The following CREB1 variants were observed in gnomAD, a reference collection of about 807,000 sequenced individuals.
CREB1 encodes the protein cyclic AMP-responsive element-binding protein 1.
In CREB1, 2 loss-of-function variants were observed where a neutral mutation model predicts 42.0. The observed-to-expected ratio is 0.05, with a 90% CI of 0.02 to 0.15. CREB1 has a LOEUF of 0.15. Among genes scored for constraint, CREB1 ranks in the 10% least tolerant of loss-of-function variants. The probability of loss-of-function intolerance (pLI) is 1.00; values close to 1 mark genes in which losing one functional copy is unlikely to be tolerated. For missense variants in CREB1, 199 were observed against 388.9 expected (o/e 0.51, Z 4.11); for synonymous variants, 123 against 139.9 (o/e 0.88, Z 0.85).
intron 1 of CREB1, among the ~76,000 whole-genome samples, chr2:207,553,002 T>G (rs2081573829): frequency 6.6e-6 from 1 of 152,002 alleles, no homozygotes. Context: ...TTGAAACTAG[T>G]TTTTTGTTTT....
At chr2:207,581,962 G>A (rs942561790) in intron 7 of CREB1, 1 of 702,186 alleles carries the variant, frequency 1.4e-6, no homozygotes, top group African/African-American at 1.8e-5. Flanking sequence ...GATAGATTGA[G>A]ATAATAGGTT....
At chr2:207,569,155 AT>A (rs964038157) in intron 4 of CREB1, among the ~76,000 whole-genome samples, 3 of 151,674 alleles carry the variant, frequency 2.0e-5, no homozygotes, top group African/African-American at 7.3e-5. Flanking sequence ...TGTTTCCAGT[AT>A]TTTTTTTCCT....
chr2:207,545,564 C>T (rs1012885109), intron 1 of CREB1, among the ~76,000 whole-genome samples: 1 of 151,598 alleles, frequency 6.6e-6, no homozygotes, highest in South Asian at 2.1e-4. Context: ...TATGGGACTA[C>T]TACTATGTAG....
intron 1 of CREB1, among the ~76,000 whole-genome samples, chr2:207,534,905 C>T (rs2080806558): frequency 6.6e-6 from 1 of 152,108 alleles, no homozygotes; most frequent in Admixed American, 6.5e-5. Context: ...TGGTAGCATA[C>T]TAGGTATACG....
At chr2:207,564,568 C>T (rs964986297) in intron 3 of CREB1, among the ~76,000 whole-genome samples, 5 of 151,680 alleles carry the variant, frequency 3.3e-5, no homozygotes, top group South Asian at 2.1e-4. Context: ...TCAACTCTAC[C>T]GAGGGATAGT....
chr2:207,535,049 TAGTG>T (rs991660374), intron 1 of CREB1, among the ~76,000 whole-genome samples: 1 of 152,236 alleles, frequency 6.6e-6, no homozygotes, highest in African/African-American at 2.4e-5. Flanking sequence ...ATTAACCAGT[TAGTG>T]AGCTGCTTTT....
intron 1 of CREB1, among the ~76,000 whole-genome samples, chr2:207,540,533 A>G (rs1158205553): frequency 1.3e-5 from 2 of 151,714 alleles, no homozygotes; most frequent in South Asian, 2.1e-4. Context: ...AATCCCTGCT[A>G]CTCACGAGGC....
intron 1 of CREB1, among the ~76,000 whole-genome samples, chr2:207,544,314 T>G (rs1216674542): frequency 6.6e-6 from 1 of 152,222 alleles, no homozygotes; most frequent in African/African-American, 2.4e-5. Flanking sequence ...ATGTTCTTAA[T>G]CAGATCTGCA....
intron 2 of CREB1, among the ~76,000 whole-genome samples, chr2:207,557,320 G>C (rs2081768105): frequency 6.6e-6 from 1 of 152,066 alleles, no homozygotes; most frequent in Non-Finnish European, 1.5e-5. Context: ...TTTTGATATG[G>C]TAAAGCATGT....
intron 7 of CREB1, among the ~76,000 whole-genome samples, chr2:207,595,697 T>G (rs2086008842): frequency 6.6e-6 from 1 of 152,204 alleles, no homozygotes; most frequent in Non-Finnish European, 1.5e-5. Context: ...CCTGAGCAGC[T>G]GGGACTACAG....
chr2:207,542,018 A>G (rs578022438), intron 1 of CREB1, among the ~76,000 whole-genome samples: 13 of 152,222 alleles, frequency 8.5e-5, no homozygotes, highest in Non-Finnish European at 1.6e-4. Context: ...TGTAGTATGT[A>G]TCAGTATTCA....
chr2:207,558,832 G>A (rs1331519279), intron 2 of CREB1, among the ~76,000 whole-genome samples: 2 of 151,924 alleles, frequency 1.3e-5, no homozygotes, highest in African/African-American at 4.8e-5. Context: ...TAGTAGAGAT[G>A]GGGTTTCACC....
intron 1 of CREB1, among the ~76,000 whole-genome samples, chr2:207,537,034 T>C (rs2080901398): frequency 1.5e-5 from 2 of 135,562 alleles, no homozygotes; most frequent in Admixed American, 1.6e-4. Context: ...GCTAAATGAT[T>C]AAAATGTTTA....
intron 7 of CREB1, chr2:207,582,256 A>ATATATTCT: frequency 1.5e-6 from 1 of 679,348 alleles, no homozygotes; most frequent in Non-Finnish European, 2.7e-6. Flanking sequence ...GGCTATGCAG[A>ATATATTCT]TATATTCTTT....
rs1290254502 is a variant in CREB1 at position 207,600,790 on chromosome 2, T to C, written c.*3732T>C. On this transcript the variant is annotated 3_prime_UTR_variant, in exon 8 of 8. Transcript: ENST00000353267. ...GTTTATCTCTGTCTCTCAGGATAAA[T>C]CCCTGTAGGACAAATCCCTACTATC... The C allele has an allele frequency of 4.8e-6, 1 of 209,974 alleles. No homozygotes were observed. The highest frequency in any genetic ancestry group is 9.7e-6 in the Non-Finnish European group (1 of 103,410). 13.0% of individuals were successfully genotyped at this position (209,974 alleles called of 1,614,324 possible). A position where few individuals can be genotyped will look rare whatever the true frequency, so the allele number is the denominator to read the frequency against.
At chr2:207,581,510 A>G (rs2082955124) in intron 7 of CREB1, 1 of 210,350 alleles carries the variant, frequency 4.8e-6, no homozygotes, top group Admixed American at 5.9e-5. Flanking sequence ...ACATTACCTA[A>G]AAATTGAATT....
chr2:207,539,119 C>T (rs1183745203), intron 1 of CREB1, among the ~76,000 whole-genome samples: 1 of 150,352 alleles, frequency 6.7e-6, no homozygotes, highest in African/African-American at 2.5e-5. Context: ...CGGCTCACTG[C>T]AACCTCCGCC....
At chr2:207,555,032 A>T (rs997411600) in intron 1 of CREB1, among the ~76,000 whole-genome samples, 2 of 152,158 alleles carry the variant, frequency 1.3e-5, no homozygotes, top group African/African-American at 4.8e-5. Flanking sequence ...CTGTGAGAAC[A>T]TGCTACTGCA....
chr2:207,537,646 A>G (rs2080927046), intron 1 of CREB1, among the ~76,000 whole-genome samples: 1 of 152,254 alleles, frequency 6.6e-6, no homozygotes, highest in Non-Finnish European at 1.5e-5. Flanking sequence ...TGGTTTTATC[A>G]CATCTGTAAA....
Sources: gnomAD v4.1 joint callset for allele counts (sites outside exome capture counted in the v4.1 genomes callset) on GRCh38, gnomAD v4.1.1 for gene constraint, MANE v1.5 for transcripts, NCBI Gene and HGNC (gene_info 2026-07-23, HGNC 2026-07-21) for gene names.